EYS: variants seen among roughly 807,000 people sequenced by gnomAD.
EYS encodes protein eyes shut homolog.
EYS carries 250 observed loss-of-function variants against 282.1 expected under a neutral mutation model. The ratio of observed to expected loss-of-function variants is 0.89; its 90% CI spans 0.80 to 0.98. The LOEUF is 0.98. EYS is among the 50% of genes least tolerant of loss of function. The pLI is 0.00. For missense variants in EYS, 4,016 were observed against 3,709.0 expected (o/e 1.08, Z -2.15); for synonymous variants, 1,355 against 1,282.9 (o/e 1.06, Z -1.20).
intron 36 of EYS, among the ~76,000 whole-genome samples, chr6:63,819,093 C>T (rs766948231): frequency 6.6e-6 from 1 of 152,148 alleles, no homozygotes; most frequent in Admixed American, 6.5e-5. Flanking sequence ...ATGTAAGGTC[C>T]GTGAAGGCAG....
At chr6:65,078,789 G>A (rs1774135464) in intron 12 of EYS, among the ~76,000 whole-genome samples, 1 of 151,768 alleles carries the variant, frequency 6.6e-6, no homozygotes, top group Admixed American at 6.6e-5. Flanking sequence ...GTTGGAGGTG[G>A]GGCCTGGTGG....
chr6:65,253,495 T>A (rs1234956626), intron 12 of EYS, among the ~76,000 whole-genome samples: 6 of 151,910 alleles, frequency 3.9e-5, no homozygotes, highest in Admixed American at 1.3e-4. Flanking sequence ...AATATTAACA[T>A]ACTGTAATTT....
intron 13 of EYS, among the ~76,000 whole-genome samples, chr6:65,016,995 T>C (rs1772077296): frequency 6.6e-6 from 1 of 152,206 alleles, no homozygotes; most frequent in South Asian, 2.1e-4. Flanking sequence ...TGGTTGCTGC[T>C]ATCTATCATC....
chr6:64,205,583 A>C (rs1047093864), intron 31 of EYS, among the ~76,000 whole-genome samples: 1 of 152,154 alleles, frequency 6.6e-6, no homozygotes, highest in Non-Finnish European at 1.5e-5. Flanking sequence ...CTTTTTTATA[A>C]TGAAAGTAAT....
In EYS at chr6:64,034,688, G is replaced by T. The variant is rs542901578; in HGVS notation, c.6725+31650C>A. ...TGTGCGACCAAGTTTGGGAATCTCTGTACTATGCTATGCTGTCTTAAAGTT... is the reference window on the plus strand; with the variant it reads ...TGTGCGACCAAGTTTGGGAATCTCTTTACTATGCTATGCTGTCTTAAAGTT... On this transcript the variant is annotated intron_variant, in intron 33 of 42. Transcript: ENST00000503581. 5.3e-5 allele frequency among the ~76,000 whole-genome samples: 8 copies of T among 152,274 alleles called. No homozygotes were observed. In the South Asian group the frequency reaches 1.7e-3, roughly 32 times the overall value.
chr6:65,141,616 A>T (rs1455096733), intron 12 of EYS, among the ~76,000 whole-genome samples: 1 of 147,878 alleles, frequency 6.8e-6, no homozygotes, highest in Non-Finnish European at 1.5e-5. Context: ...TTCAAACTGA[A>T]GTCAGTGAGT....
At chr6:65,673,578 T>C (rs1720943985) in intron 1 of EYS, among the ~76,000 whole-genome samples, 1 of 152,076 alleles carries the variant, frequency 6.6e-6, no homozygotes, top group Non-Finnish European at 1.5e-5. Flanking sequence ...TTCTCCTTTT[T>C]AAGTTGGAGG....
intron 41 of EYS, among the ~76,000 whole-genome samples, chr6:63,739,260 A>T (rs192796049): frequency 6.6e-6 from 1 of 152,068 alleles, no homozygotes; most frequent in Non-Finnish European, 1.5e-5. Flanking sequence ...AACTTAGTGT[A>T]TGGGAGGTTT....
At position 64,300,742 on chromosome 6, in the gene EYS, G is replaced by A. The variant is rs188105385; in HGVS notation, c.6191+6228C>T. The stretch of plus-strand genomic sequence containing the variant: ...CCTTCAACAGGGCCTTCCCTCCACC[G>A]CAGTGATTCCTCAAGATTGGCCTAC... On this transcript the variant is annotated intron_variant, in intron 30 of 42. Coordinates refer to ENST00000503581, the MANE Select transcript of EYS (RefSeq NM_001142800.2). Among the ~76,000 whole-genome samples the A allele has an allele frequency of 5.9e-5, 9 of 152,090 alleles. No homozygotes were observed. The South Asian group carries it at 6.2e-4, about 10-fold the overall frequency.
At chr6:64,388,898 C>G in intron 28 of EYS, 58 bp from the exon 29 acceptor site, 1 of 1,075,286 alleles carries the variant, frequency 9.3e-7, no homozygotes. Flanking sequence ...ATTTATCTGA[C>G]AAATTAATTA....
intron 1 of EYS, among the ~76,000 whole-genome samples, chr6:65,688,421 C>T (rs1026309726): frequency 2.4e-4 from 37 of 152,074 alleles, no homozygotes; most frequent in African/African-American, 8.9e-4. Flanking sequence ...ACACCTTATA[C>T]AAAAATTAAT....
rs1281771238 is a variant in EYS at position 64,602,531 on chromosome 6, G to A, written c.3685-9222C>T. Reference sequence around the variant, plus strand: ...ACCAGAGATGACAGATGAAATGGAAGTGCAATTAGCACTATTACACTCTTT... The same window carrying A: ...ACCAGAGATGACAGATGAAATGGAAATGCAATTAGCACTATTACACTCTTT... On this transcript the variant is annotated intron_variant, in intron 24 of 42. Coordinates refer to ENST00000503581, the MANE Select transcript of EYS (RefSeq NM_001142800.2). Among the ~76,000 whole-genome samples, 4 of 152,062 alleles carry A rather than the reference G, an allele frequency of 2.6e-5. 1 individual carries two copies. The highest frequency in any genetic ancestry group is 2.6e-4 in the Admixed American group (4 of 15,242).
At chr6:65,057,782 AG>A (rs1471062628) in intron 12 of EYS, 55 bp from the exon 13 acceptor site, 14 of 1,201,490 alleles carry the variant, frequency 1.2e-5, no homozygotes, top group Admixed American at 2.0e-5. Flanking sequence ...GCATGTATCA[AG>A]TCGTAATTCT....
chr6:63,818,373 G>A (rs937136327), intron 36 of EYS, among the ~76,000 whole-genome samples: 8 of 152,138 alleles, frequency 5.3e-5, no homozygotes, highest in Non-Finnish European at 8.8e-5. Flanking sequence ...TTAAGTTTCT[G>A]TTGGAGTTCA....
chr6:65,257,708 A>C (rs866748216), intron 12 of EYS, among the ~76,000 whole-genome samples: 2 of 151,644 alleles, frequency 1.3e-5, no homozygotes, highest in African/African-American at 4.8e-5. Flanking sequence ...GTAGTGTGAT[A>C]CCTCCAGCTT....
chr6:65,667,981 T>C (rs923534), intron 1 of EYS, among the ~76,000 whole-genome samples: 2 of 151,566 alleles, frequency 1.3e-5, no homozygotes, highest in Non-Finnish European at 3.0e-5. Context: ...CTGAGAAACA[T>C]TAAGTGTGAA....
At chr6:64,573,335 AG>A (rs1373696713) in intron 26 of EYS, among the ~76,000 whole-genome samples, 4 of 152,198 alleles carry the variant, frequency 2.6e-5, no homozygotes, top group African/African-American at 9.6e-5. Context: ...AAGAAAACCT[AG>A]GCAATCAATA....
intron 22 of EYS, among the ~76,000 whole-genome samples, chr6:64,688,610 C>G (rs912705341): frequency 6.6e-6 from 1 of 152,080 alleles, no homozygotes; most frequent in East Asian, 1.9e-4. Flanking sequence ...AATTTCTGTT[C>G]TTTTGCATTT....
At chr6:63,988,262 A>G (rs1158255352) in intron 34 of EYS, among the ~76,000 whole-genome samples, 1 of 151,692 alleles carries the variant, frequency 6.6e-6, no homozygotes, top group African/African-American at 2.4e-5. Context: ...ATCTTTGTAT[A>G]TTGATCACAC....
Sources: gnomAD v4.1 joint callset for allele counts (sites outside exome capture counted in the v4.1 genomes callset) on GRCh38, gnomAD v4.1.1 for gene constraint, MANE v1.5 for transcripts, NCBI Gene and HGNC (gene_info 2026-07-23, HGNC 2026-07-21) for gene names.